The following ADAM7 variants were observed in gnomAD, a reference collection of about 807,000 sequenced individuals.
ADAM7 encodes disintegrin and metalloproteinase domain-containing protein 7.
A neutral mutation model predicts 102.9 loss-of-function variants in ADAM7; 97 were observed. The ratio of observed to expected loss-of-function variants is 0.94; its 90% CI spans 0.80 to 1.12. ADAM7 has a LOEUF of 1.12. Among genes scored for constraint, ADAM7 ranks in the 50% most tolerant of loss-of-function variants. ADAM7 has a pLI of 0.00. For missense variants in ADAM7, 991 were observed against 908.7 expected, an observed-to-expected ratio of 1.09 and a Z score of -1.16; for synonymous variants, 334 against 304.4, an observed-to-expected ratio of 1.10 and a Z score of -1.01.
chr8:24,451,187 C>T (rs1167884717), intron 3 of ADAM7, among the ~76,000 whole-genome samples: 11 of 151,884 alleles, frequency 7.2e-5, no homozygotes, highest in Non-Finnish European at 1.2e-4. Context: ...GGAGGATTCC[C>T]TCTTTTTCTA....
intron 4 of ADAM7, among the ~76,000 whole-genome samples, chr8:24,464,544 C>T (rs1663490423): frequency 6.6e-6 from 1 of 152,164 alleles, no homozygotes; most frequent in Admixed American, 6.6e-5. Flanking sequence ...AAGAACATTA[C>T]TTTTACCAAA....
chr8:24,466,612 C>T (rs1381798426), intron 5 of ADAM7, among the ~76,000 whole-genome samples, 187 bp from the exon 6 acceptor site: 1 of 152,066 alleles, frequency 6.6e-6, no homozygotes, highest in African/African-American at 2.4e-5. Flanking sequence ...TAAGTTGACT[C>T]TTAGAAAAAA....
chr8:24,445,666 T>A (rs1818530056), intron 2 of ADAM7, among the ~76,000 whole-genome samples: 1 of 152,216 alleles, frequency 6.6e-6, no homozygotes, highest in African/African-American at 2.4e-5. Context: ...AGAAGTAAAG[T>A]ACTAAAACAC....
At chr8:24,465,275 T>C (rs1474305861) in intron 4 of ADAM7, among the ~76,000 whole-genome samples, 1 of 152,160 alleles carries the variant, frequency 6.6e-6, no homozygotes, top group Non-Finnish European at 1.5e-5. Context: ...AATAATTACC[T>C]GATTGGACTA....
intron 20 of ADAM7, chr8:24,506,011 C>T: frequency 1.8e-6 from 2 of 1,084,614 alleles, no homozygotes; most frequent in Non-Finnish European, 1.4e-6. Context: ...TAACAATCTA[C>T]ACAAGAATAT....
chr8:24,446,664 A>G (rs1361397259), intron 2 of ADAM7, among the ~76,000 whole-genome samples: 1 of 151,940 alleles, frequency 6.6e-6, no homozygotes, highest in Non-Finnish European at 1.5e-5. Context: ...ATGATTTATC[A>G]TTGAGTGCAA....
intron 2 of ADAM7, among the ~76,000 whole-genome samples, chr8:24,444,062 A>G (rs1163345028): frequency 2.0e-5 from 3 of 151,582 alleles, no homozygotes; most frequent in Non-Finnish European, 4.4e-5. Flanking sequence ...ATACCAGAAT[A>G]TGCTCAAACA....
At chr8:24,497,548 G>A (rs956518922) in intron 16 of ADAM7, among the ~76,000 whole-genome samples, 1 of 152,002 alleles carries the variant, frequency 6.6e-6, no homozygotes, top group African/African-American at 2.4e-5. Flanking sequence ...ATAAAGGAAT[G>A]TTAAAACTCA....
chr8:24,461,742 A>G (rs1306777933), intron 3 of ADAM7, among the ~76,000 whole-genome samples: 1 of 151,548 alleles, frequency 6.6e-6, no homozygotes, highest in Non-Finnish European at 1.5e-5. Context: ...TGAGTTTGTC[A>G]ACTCTTTTAT....
chr8:24,441,175 T>C lies in ADAM7; in HGVS notation c.52+15T>C, dbSNP rs1185210211. The C allele has an allele frequency of 6.2e-7, 1 of 1,603,704 alleles. No homozygotes were observed. Among genetic ancestry groups the C allele is most frequent in the East Asian group, 2.2e-5 (1 of 44,826 alleles). On this transcript the variant is annotated intron_variant, in intron 1 of 21. Transcript: ENST00000175238. ...TCAGGTTAAAGGTATGTCTTGCTCT[T>C]TTTATCAGGACTTTCTTATTATGCT...
At chr8:24,456,155 C>A (rs1819026378) in intron 3 of ADAM7, among the ~76,000 whole-genome samples, 2 of 152,148 alleles carry the variant, frequency 1.3e-5, no homozygotes, top group Non-Finnish European at 2.9e-5. Context: ...TCACTGGTGA[C>A]CACCATTTTA....
intron 7 of ADAM7, among the ~76,000 whole-genome samples, chr8:24,474,657 G>A (rs1475729852): frequency 6.6e-6 from 1 of 152,046 alleles, no homozygotes; most frequent in South Asian, 2.1e-4. Context: ...TTGAGAAGCC[G>A]AGGTGGGAGG....
Position 24,485,349 on chromosome 8 carries a change from C to T in ADAM7, c.948C>T (p.Thr316=). The T allele has an allele frequency of 1.9e-6, 3 of 1,613,274 alleles. No homozygotes were observed. Among genetic ancestry groups the T allele is most frequent in the East Asian group, 4.5e-5 (2 of 44,842 alleles). The change falls in exon 10 of 22, where the codon ACC becomes ACT. Residue 316 remains threonine, a synonymous_variant. Coordinates refer to ENST00000175238, the MANE Select transcript of ADAM7 (RefSeq NM_003817.4). Reference sequence around the variant, plus strand: ...GTATGTGCCTGCCCTATTATTCCACCAGTATCATTAAGGTGGGCTGTGTTT... The same window carrying T: ...GTATGTGCCTGCCCTATTATTCCACTAGTATCATTAAGGTGGGCTGTGTTT... ...PGGMCLPYYS[T]SIIKDLLPDT...
At chr8:24,484,834 G>T in intron 9 of ADAM7, among the ~76,000 whole-genome samples, 1 of 132,796 alleles carries the variant, frequency 7.5e-6, no homozygotes, top group African/African-American at 2.8e-5. Context: ...TAATTGAGGT[G>T]GAGCCTCGCT....
At chr8:24,481,902 C>T (rs140660654) in intron 8 of ADAM7, among the ~76,000 whole-genome samples, 170 of 152,182 alleles carry the variant, frequency 1.1e-3, no homozygotes, top group African/African-American at 3.5e-3. Flanking sequence ...TATGATAGTT[C>T]GAGGAGGCAG....
intron 3 of ADAM7, among the ~76,000 whole-genome samples, chr8:24,450,294 C>T (rs1310406511): frequency 1.3e-5 from 2 of 152,100 alleles, no homozygotes; most frequent in African/African-American, 4.8e-5. Flanking sequence ...ATGGAATGTT[C>T]TTCCATTTCT....
At chr8:24,449,067 G>A (rs1294644130) in intron 3 of ADAM7, among the ~76,000 whole-genome samples, 4 of 152,198 alleles carry the variant, frequency 2.6e-5, no homozygotes, top group African/African-American at 9.6e-5. Flanking sequence ...GGACATGTGG[G>A]TTGGTTCCAA....
chr8:24,446,527 G>A (rs1466253511), intron 2 of ADAM7, among the ~76,000 whole-genome samples: 1 of 151,736 alleles, frequency 6.6e-6, no homozygotes, highest in Non-Finnish European at 1.5e-5. Flanking sequence ...TCTGTCCAAC[G>A]ACAGGGAATA....
intron 5 of ADAM7, among the ~76,000 whole-genome samples, chr8:24,466,088 T>C (rs534892589): frequency 6.6e-6 from 1 of 152,322 alleles, no homozygotes; most frequent in Admixed American, 6.5e-5. Context: ...TTAGAAGCTT[T>C]CTCCTGAATA....
Sources: allele counts gnomAD v4.1 joint callset (sites outside exome capture counted in the v4.1 genomes callset), GRCh38; gene constraint gnomAD v4.1.1; transcripts MANE v1.5; gene names NCBI Gene and HGNC (gene_info 2026-07-23, HGNC 2026-07-21).